Variants in FAM98B observed in about 807,000 individuals in gnomAD.
FAM98B encodes the protein tRNA splicing ligase complex subunit 3B, also known as tRNA-splicing ligase complex subunit FAM98B.
In FAM98B, 32 loss-of-function variants were observed where a neutral mutation model predicts 43.9. The ratio of observed to expected loss-of-function variants is 0.73; its 90% CI spans 0.55 to 0.98. FAM98B has a LOEUF of 0.98. Among genes scored for constraint, FAM98B ranks in the 50% least tolerant of loss-of-function variants. The pLI, the probability that FAM98B is intolerant of heterozygous loss-of-function variation, is 0.00. For missense variants in FAM98B, 514 were observed against 522.9 expected, an observed-to-expected ratio of 0.98 and a Z score of 0.17; for synonymous variants, 190 against 174.0, an observed-to-expected ratio of 1.09 and a Z score of -0.72.
At chr15:38,475,907 A>G (rs1412997055) in intron 6 of FAM98B, among the ~76,000 whole-genome samples, 1 of 152,130 alleles carries the variant, frequency 6.6e-6, no homozygotes, top group African/African-American at 2.4e-5. Flanking sequence ...TAGGTCTTCT[A>G]ATGAGTTCTC....
chr15:38,469,256 A>G (rs1348956286), intron 3 of FAM98B, among the ~76,000 whole-genome samples: 1 of 152,124 alleles, frequency 6.6e-6, no homozygotes. Context: ...AAACAAGACT[A>G]TAATCATTTA....
intron 1 of FAM98B, chr15:38,459,432 G>A: frequency 2.7e-6 from 1 of 370,338 alleles, no homozygotes; most frequent in East Asian, 7.9e-5. Flanking sequence ...GGGCCTTGAA[G>A]ATGTTATATC....
chr15:38,470,563 A>T (rs762182426), intron 4 of FAM98B, 158 bp downstream of exon 4: 40 of 567,168 alleles, frequency 7.1e-5, no homozygotes, highest in Non-Finnish European at 1.0e-4. Context: ...CTTAACAGGC[A>T]TGTGACCTAA....
rs146978505 is a variant in FAM98B at position 38,464,170 on chromosome 15, G to C, written c.210G>C (p.Thr70=). 1.4e-5 allele frequency: 22 copies of C among 1,611,876 alleles called. No homozygotes were observed. The highest frequency in any genetic ancestry group is 2.7e-5 in the African/African-American group (2 of 74,846). The change falls in exon 2 of 8, where the codon ACG becomes ACC. Residue 70 remains threonine, a synonymous_variant. Coordinates refer to ENST00000397609, the MANE Select transcript of FAM98B (RefSeq NM_173611.4). The part of the protein sequence containing the change: ...KSLCNLEESI[T]SAGRDDLESF... Reference sequence around the variant, plus strand: ...TATGCAACTTGGAAGAAAGTATCACGTCTGCTGGTATTGCCATTATGTTGT... The same window carrying C: ...TATGCAACTTGGAAGAAAGTATCACCTCTGCTGGTATTGCCATTATGTTGT...
chr15:38,478,326 A>G (rs1170515096), intron 6 of FAM98B, among the ~76,000 whole-genome samples: 9 of 151,766 alleles, frequency 5.9e-5, no homozygotes, highest in African/African-American at 1.9e-4. Context: ...CTTATTTGGG[A>G]AGGTTTTTAA....
At chr15:38,483,137 A>G (rs1269654430) in intron 7 of FAM98B, 2 of 152,204 alleles carry the variant, frequency 1.3e-5, no homozygotes, top group African/African-American at 4.8e-5. Flanking sequence ...ATAATCTTTT[A>G]TTGGATAATC....
intron 3 of FAM98B, among the ~76,000 whole-genome samples, chr15:38,470,026 A>G (rs1170021930): frequency 6.6e-6 from 1 of 152,038 alleles, no homozygotes; most frequent in African/African-American, 2.4e-5. Context: ...CATTTCATTT[A>G]AAAAAACGTA....
chr15:38,486,699 A>G lies in FAM98B; in HGVS notation c.*2040A>G, dbSNP rs1292749428. The G allele has an allele frequency of 6.6e-6, 1 of 152,088 alleles. No homozygotes were observed. Among genetic ancestry groups the G allele is most frequent in the Non-Finnish European group, 1.5e-5 (1 of 67,962 alleles). 9.4% of individuals were successfully genotyped at this position (152,088 alleles called of 1,614,324 possible). ...ACACATTCCTATAAACCTTAATTGA[A>G]TGAAAAGCTGAATCAGGTAGACTCT... On this transcript the variant is annotated 3_prime_UTR_variant, in exon 8 of 8. Transcript: ENST00000397609.
chr15:38,460,689 A>T (rs1442621700), intron 1 of FAM98B, among the ~76,000 whole-genome samples: 1 of 152,242 alleles, frequency 6.6e-6, no homozygotes, highest in Non-Finnish European at 1.5e-5. Context: ...AGACAATTAG[A>T]TACATTTCTG....
intron 1 of FAM98B, among the ~76,000 whole-genome samples, chr15:38,456,771 A>G (rs1009668049): frequency 5.3e-5 from 8 of 152,220 alleles, no homozygotes; most frequent in Middle Eastern, 3.2e-3. Context: ...ATATCCTTAC[A>G]GTGAGAAGAA....
At chr15:38,481,687 T>C (rs753368177) in intron 7 of FAM98B, 94 of 1,321,866 alleles carry the variant, frequency 7.1e-5, no homozygotes, top group Non-Finnish European at 9.2e-5. Context: ...GAATTATGAA[T>C]TGTTTTTGTC....
chr15:38,481,727 T>G, intron 7 of FAM98B: 2 of 1,006,314 alleles, frequency 2.0e-6, no homozygotes, highest in Non-Finnish European at 2.8e-6. Context: ...TGTTCCATCT[T>G]TCTAAAAAGT....
chr15:38,479,067 C>T (rs1232933502), intron 6 of FAM98B, among the ~76,000 whole-genome samples: 3 of 152,008 alleles, frequency 2.0e-5, no homozygotes, highest in African/African-American at 4.8e-5. Context: ...GTGATCCTCC[C>T]ACTGTGGCCT....
At chr15:38,463,549 TAAATA>T (rs1889982728) in intron 1 of FAM98B, among the ~76,000 whole-genome samples, 1 of 149,594 alleles carries the variant, frequency 6.7e-6, no homozygotes, top group Non-Finnish European at 1.5e-5. Context: ...TAAAGTAAAA[TAAATA>T]AAATAGGTTT....
chr15:38,461,539 A>AAT (rs10633105), intron 1 of FAM98B, among the ~76,000 whole-genome samples: 17,585 of 148,722 alleles, frequency 0.12, 1,063 homozygotes, highest in Middle Eastern at 0.19. Flanking sequence ...GATTAAATGA[A>AAT]ATATATATAT....
chr15:38,484,588 G>A lies in FAM98B; in HGVS notation c.1231G>A (p.Gly411Arg), dbSNP rs967090539. The A allele has an allele frequency of 6.7e-7, 1 of 1,485,646 alleles. No individual in the cohort carries two copies. Among genetic ancestry groups the A allele is most frequent in the African/African-American group, 1.5e-5 (1 of 68,106 alleles). 92.0% of individuals were successfully genotyped at this position (1,485,646 alleles called of 1,614,324 possible). A position where few individuals can be genotyped will look rare whatever the true frequency, so the allele number is the denominator to read the frequency against. Residue 411 changes from glycine (G) to arginine (R), a missense_variant, in exon 8 of 8, where the codon GGA becomes AGA. Gly to Arg is a moderately radical substitution (Grantham distance 125). Coordinates refer to ENST00000397609, the MANE Select transcript of FAM98B (RefSeq NM_173611.4). ...GRGGYGGRGY[G>R]DPYGGGGGGG... ...AGGGGGCTATGGTGGAAGAGGCTAT[G>A]GAGATCCATATGGAGGAGGTGGTGG...
intron 6 of FAM98B, among the ~76,000 whole-genome samples, chr15:38,480,824 A>AT (rs199943588): frequency 9.9e-5 from 15 of 151,434 alleles, no homozygotes; most frequent in South Asian, 2.1e-4. Context: ...TTAACTTTAG[A>AT]TTTTTTTTTC....
rs1211851277 is a variant in FAM98B at position 38,474,083 on chromosome 15, T to C, written c.613-99T>C. 5.1e-6 allele frequency: 4 copies of C among 778,892 alleles called. No homozygotes were observed. The African/African-American group carries it at 7.0e-5, about 14-fold the overall frequency. 48.2% of individuals were successfully genotyped at this position (778,892 alleles called of 1,614,324 possible). A position where few individuals can be genotyped will look rare whatever the true frequency, so the allele number is the denominator to read the frequency against. ...CAGAAAATGGTCAGTAAGTACATCT[T>C]TTGACTCAGTAGGAAGTACTTAGCA... On this transcript the variant is annotated intron_variant, in intron 5 of 7. Transcript: ENST00000397609.
At chr15:38,467,706 C>G (rs914416508) in intron 3 of FAM98B, among the ~76,000 whole-genome samples, 29 of 152,016 alleles carry the variant, frequency 1.9e-4, no homozygotes, top group African/African-American at 6.3e-4. Context: ...TAAATGAAAA[C>G]CATGTTCATT....
Sources: gnomAD v4.1 joint callset for allele counts (sites outside exome capture counted in the v4.1 genomes callset) on GRCh38, gnomAD v4.1.1 for gene constraint, MANE v1.5 for transcripts, NCBI Gene and HGNC (gene_info 2026-07-23, HGNC 2026-07-21) for gene names.